PKD1: variants seen among roughly 807,000 people sequenced by gnomAD.
The protein encoded by PKD1 is polycystin-1.
A neutral mutation model predicts 361.7 loss-of-function variants in PKD1; 81 were observed. That is an observed-to-expected ratio of 0.22 (90% CI 0.19 to 0.27). PKD1 has a LOEUF of 0.27. PKD1 is among the 10% of genes least tolerant of loss of function. PKD1 has a pLI of 1.00. For synonymous variants in PKD1, 3,615 were observed against 2,818.3 expected (o/e 1.28, Z -8.95); for missense variants, 6,399 against 6,118.3 (o/e 1.05, Z -1.53).
In PKD1 at chr16:2,111,789, C is replaced by A. The variant is rs773004295; in HGVS notation, c.3378G>T (p.Leu1126=). The A allele has an allele frequency of 6.2e-7, 1 of 1,608,806 alleles. No homozygotes were observed. The highest frequency in any genetic ancestry group is 8.5e-7 in the Non-Finnish European group (1 of 1,179,044). Residue 1126 remains leucine (L), a synonymous_variant, in exon 15 of 46, where the codon CTG becomes CTT. Transcript: ENST00000262304. ...QQVPVSVRAS[L]PSVAVGVSDG... ...CACTCACACCCACAGCCACGGAGGG[C>A]AGGGAGGCGCGCACGCTCACAGGCA...
chr16:2,101,527 G>A (rs1368865069), intron 26 of PKD1, among the ~76,000 whole-genome samples: 5 of 152,142 alleles, frequency 3.3e-5, no homozygotes, highest in Non-Finnish European at 1.5e-5. Context: ...TCGCTTAAGG[G>A]GAATGGCTTA....
Position 2,088,863 on chromosome 16 carries a change from ACTCGCGCGTGCGCGCGCG to A in PKD1, c.*846_*863del, listed in dbSNP as rs1156318445. Reference sequence around the variant, plus strand: ...TGAGGCTGCCTGGGCCATACAGCACACTCGCGCGTGCGCGCGCGCACACACACACACACACAGTCACCT... The same window carrying A: ...TGAGGCTGCCTGGGCCATACAGCACACACACACACACACACACAGTCACCT... On this transcript the variant is annotated 3_prime_UTR_variant, in exon 46 of 46. Transcript: ENST00000262304. The A allele has an allele frequency of 1.0e-3, 565 of 542,314 alleles. No individual in the cohort carries two copies. The highest frequency in any genetic ancestry group is 1.6e-3 in the Non-Finnish European group (489 of 307,442). The allele number at this position is 542,314 out of a possible 1,614,324, so 33.6% of individuals were successfully genotyped here. A position where few individuals can be genotyped will look rare whatever the true frequency, so the allele number is the denominator to read the frequency against.
rs902238005 is a variant in PKD1 at position 2,114,543 on chromosome 16, A to G, written c.2480T>C (p.Ile827Thr). Residue 827 changes from isoleucine to threonine, a missense_variant, in exon 11 of 46, where the codon ATC becomes ACC. Transcript: ENST00000262304. ...GCGGCCGTCGCGGGGGGCAGGGTAGATGACCCGCAGCCCAGCCACTGGGGA... is the reference window on the plus strand; with the variant it reads ...GCGGCCGTCGCGGGGGGCAGGGTAGGTGACCCGCAGCCCAGCCACTGGGGA... ...VVSPVAGLRV[I>T]YPAPRDGRLY... 1.6e-5 allele frequency: 25 copies of G among 1,594,078 alleles called. No individual in the cohort carries two copies. Among genetic ancestry groups the G allele is most frequent in the African/African-American group, 2.7e-5 (2 of 74,830 alleles).
At chr16:2,107,340 G>C (rs1255434369) in intron 16 of PKD1, 2 of 376,626 alleles carry the variant, frequency 5.3e-6, no homozygotes, top group African/African-American at 4.2e-5. Context: ...TCAGGAGGCT[G>C]AGCTGGGATG....
Position 2,106,839 on chromosome 16 carries a change from C to T in PKD1, c.7175G>A (p.Arg2392His), listed in dbSNP as rs761828545. Reference sequence around the variant, plus strand: ...GGAGCCGCTGCTGCAATTGAGGCAGCGGCCCTCCAAGTACACGTAGGAGCT... The same window carrying T: ...GGAGCCGCTGCTGCAATTGAGGCAGTGGCCCTCCAAGTACACGTAGGAGCT... ...SRSSYVYLEG[R>H]CLNCSSGSKR... The change falls in exon 17 of 46, where the codon CGC (arginine) becomes CAC (histidine). Residue 2392 changes from arginine (R) to histidine (H), a missense_variant. Transcript: ENST00000262304. The surrounding 1 kb of genome is among the most constrained non-coding windows in gnomAD (Gnocchi z 6.5). The T allele has an allele frequency of 3.0e-5, 47 of 1,550,524 alleles. 1 individual carries two copies. Among genetic ancestry groups the T allele is most frequent in the Non-Finnish European group, 3.8e-5 (43 of 1,143,640 alleles).
In PKD1 at chr16:2,106,218, A is replaced by G. The variant is rs1428315255; in HGVS notation, c.7576T>C (p.Cys2526Arg). The G allele has an allele frequency of 6.2e-7, 1 of 1,610,262 alleles. No individual in the cohort carries two copies. The highest frequency in any genetic ancestry group is 8.5e-7 in the Non-Finnish European group (1 of 1,179,562). ...CTGGAGAGGCTGCCCTTGTAGACAC[A>G]GAACTCCTCGCAGTGGCCCTGGCGA... ...RCRQGHCEEF[C>R]VYKGSLSSYG... The change falls in exon 19 of 46, where the codon TGT becomes CGT. Residue 2526 changes from cysteine to arginine, a missense_variant. Coordinates refer to ENST00000262304, the MANE Select transcript of PKD1 (RefSeq NM_001009944.3). The surrounding 1 kb of genome is among the most constrained non-coding windows in gnomAD (Gnocchi z 6.5).
At chr16:2,127,284 G>C (rs1192857012) in intron 1 of PKD1, among the ~76,000 whole-genome samples, 1 of 152,212 alleles carries the variant, frequency 6.6e-6, no homozygotes, top group Non-Finnish European at 1.5e-5. Context: ...TCGCGGCTCT[G>C]CCAACACTTC....
chr16:2,103,088 T>C, intron 23 of PKD1, 118 bp from the exon 24 acceptor site: 1 of 1,313,180 alleles, frequency 7.6e-7, no homozygotes, highest in South Asian at 1.2e-5. Flanking sequence ...TAGGAGCCTC[T>C]GCACCAGAGC....
chr16:2,129,614 G>A (rs906111877), intron 1 of PKD1, among the ~76,000 whole-genome samples: 2 of 141,778 alleles, frequency 1.4e-5, no homozygotes, highest in Non-Finnish European at 3.0e-5. Flanking sequence ...GCAGTGGTGT[G>A]ATCACAGCTC....
In PKD1 at chr16:2,114,353, G is replaced by A. The variant is rs547601879; in HGVS notation, c.2670C>T (p.Asn890=). ...GTGCTACCACTGAGAACAGGGTATCGTTGGTCTCCCAGGGGCAGCCGGGCA... is the reference window on the plus strand; with the variant it reads ...GTGCTACCACTGAGAACAGGGTATCATTGGTCTCCCAGGGGCAGCCGGGCA... ...TFVPGCPWET[N]DTLFSVVALP... is the part of the protein sequence containing the mutation. Residue 890 remains asparagine (N), a synonymous_variant, in exon 11 of 46, where the codon AAC becomes AAT. Coordinates refer to ENST00000262304, the MANE Select transcript of PKD1 (RefSeq NM_001009944.3). The A allele has an allele frequency of 3.2e-4, 515 of 1,610,270 alleles. 3 individuals carry two copies. In the East Asian group the frequency reaches 8.3e-3, roughly 26 times the overall value.
rs1349970515 is a variant in PKD1 at position 2,088,909 on chromosome 16, C to T, written c.*818G>A. On this transcript the variant is annotated 3_prime_UTR_variant, in exon 46 of 46. Transcript: ENST00000262304. ...CACACACACACACACAGTCACCTTCCTCCACCCTGGGAGCCAGCCCCCAGG... is the reference window on the plus strand; with the variant it reads ...CACACACACACACACAGTCACCTTCTTCCACCCTGGGAGCCAGCCCCCAGG... 7 of 410,546 alleles carry T rather than the reference C, an allele frequency of 1.7e-5. No homozygotes were observed. The highest frequency in any genetic ancestry group is 5.3e-5 in the South Asian group (2 of 37,522). 25.4% of individuals were successfully genotyped at this position (410,546 alleles called of 1,614,324 possible).
Position 2,109,077 on chromosome 16 carries a change from G to A in PKD1, c.6090C>T (p.Pro2030=), listed in dbSNP as rs369113909. Residue 2030 remains proline, a synonymous_variant, in exon 15 of 46, where the codon CCC becomes CCT. Transcript: ENST00000262304. The stretch of plus-strand genomic sequence containing the variant: ...GGATCTCCAACAGCCCCGCGGCCAC[G>A]GGCGTGTAGGTGACGTCGCGGCCCG... ...ILSGRDVTYT[P]VAAGLLEIQV... 5.8e-5 allele frequency: 93 copies of A among 1,604,124 alleles called. No homozygotes were observed. The highest frequency in any genetic ancestry group is 2.5e-4 in the East Asian group (11 of 44,624).
intron 1 of PKD1, among the ~76,000 whole-genome samples, chr16:2,122,550 G>A (rs903682962): frequency 1.3e-5 from 2 of 152,218 alleles, no homozygotes; most frequent in African/African-American, 4.8e-5. Flanking sequence ...CACCATCCCC[G>A]CCGTGGGGTG....
chr16:2,094,612 C>T (rs1334244054), intron 34 of PKD1: 1 of 292,972 alleles, frequency 3.4e-6, no homozygotes, highest in Non-Finnish European at 6.6e-6. Flanking sequence ...CTGTCCCATG[C>T]AGGTTTATGG....
At position 2,110,964 on chromosome 16, in the gene PKD1, C is replaced by T; in HGVS notation, c.4203G>A (p.Val1401=). 1.2e-6 allele frequency: 2 copies of T among 1,610,634 alleles called. No homozygotes were observed. Among genetic ancestry groups the T allele is most frequent in the Non-Finnish European group, 8.5e-7 (1 of 1,179,704 alleles). ...AGGGGAACGGGGGCCAGGCACATGCCACCAGCCAGGCCTCGTCCCCGAGCT... is the reference window on the plus strand; with the variant it reads ...AGGGGAACGGGGGCCAGGCACATGCTACCAGCCAGGCCTCGTCCCCGAGCT... ...FVQLGDEAWL[V]ACAWPPFPYR... The change falls in exon 15 of 46, where the codon GTG becomes GTA. Residue 1401 remains valine (V), a synonymous_variant. Coordinates refer to ENST00000262304, the MANE Select transcript of PKD1 (RefSeq NM_001009944.3).
intron 22 of PKD1, among the ~76,000 whole-genome samples, chr16:2,104,218 A>AAAG: frequency 5.4e-5 from 1 of 18,590 alleles, no homozygotes; most frequent in African/African-American, 3.9e-4. Context: ...GGGAAGGGGG[A>AAAG]TGAGGGGGAT....
In PKD1 at chr16:2,106,817, G is replaced by A. The variant is rs1320239338; in HGVS notation, c.7197C>T (p.Gly2399=). ...LEGRCLNCSS[G]SKRGRWAART... is the part of the protein sequence containing the mutation. The stretch of plus-strand genomic sequence containing the variant: ...GCTCAACACTCACCCCTCGCTTGGA[G>A]CCGCTGCTGCAATTGAGGCAGCGGC... The change falls in exon 17 of 46, where the codon GGC becomes GGT. Residue 2399 remains glycine (G), a synonymous_variant. Coordinates refer to ENST00000262304, the MANE Select transcript of PKD1 (RefSeq NM_001009944.3). The surrounding 1 kb of genome is among the most constrained non-coding windows in gnomAD (Gnocchi z 6.5). The A allele has an allele frequency of 2.6e-6, 4 of 1,544,808 alleles. No homozygotes were observed. The highest frequency in any genetic ancestry group is 1.8e-6 in the Non-Finnish European group (2 of 1,137,708).
chr16:2,103,626 C>G lies in PKD1; in HGVS notation c.8431G>C (p.Ala2811Pro). Reference protein sequence around the residue: ...GPGCHFSIPEAFSGALANLSD... With the variant: ...GPGCHFSIPEPFSGALANLSD... ...AGGTTGGCCAGGGCCCCGCTGAAAGCCTCGGGGATGGAGAAGTGGCAGCCA... is the reference window on the plus strand; with the variant it reads ...AGGTTGGCCAGGGCCCCGCTGAAAGGCTCGGGGATGGAGAAGTGGCAGCCA... Residue 2811 changes from alanine (A) to proline (P), a missense_variant, in exon 23 of 46, where the codon GCT becomes CCT. By Grantham distance (27) the Ala-to-Pro change is conservative (BLOSUM62 -1). Coordinates refer to ENST00000262304, the MANE Select transcript of PKD1 (RefSeq NM_001009944.3). 1 of 1,610,484 alleles carries G rather than the reference C, an allele frequency of 6.2e-7. No homozygotes were observed.
rs115272730 is a variant in PKD1, at chr16:2,089,934, G to A, written c.12705C>T (p.Asp4235=). ...QFDRLNQATE[D]VYQLEQQLHS... ...GCAGCTGCTGCTCCAGCTGGTAGAC[G>A]TCCTCTGTGGCCTGGTTGAGTCGGT... Residue 4235 remains aspartate (D), a synonymous_variant, in exon 46 of 46, where the codon GAC becomes GAT. Coordinates refer to ENST00000262304, the MANE Select transcript of PKD1 (RefSeq NM_001009944.3). The A allele has an allele frequency of 2.0e-4, 316 of 1,612,268 alleles. 4 individuals are homozygous for A. The East Asian group carries it at 6.0e-3, about 30-fold the overall frequency.
Sources: allele counts gnomAD v4.1 joint callset (sites outside exome capture counted in the v4.1 genomes callset), GRCh38; gene constraint gnomAD v4.1.1; non-coding constraint Gnocchi (gnomAD v3.1); transcripts MANE v1.5; gene names NCBI Gene and HGNC (gene_info 2026-07-23, HGNC 2026-07-21).